The following ODAD3 variants were observed in gnomAD, a reference collection of about 807,000 sequenced individuals.
ODAD3 encodes outer dynein arm-docking complex subunit 3.
Under a neutral mutation model 70.9 loss-of-function variants are expected in ODAD3, and 57 were observed. The ratio of observed to expected loss-of-function variants is 0.80; its 90% CI spans 0.65 to 1.00. ODAD3 has a LOEUF of 1.00. Ranked by LOEUF, ODAD3 falls within the 50% of genes least tolerant of loss-of-function variation. The pLI is 0.00. For missense variants in ODAD3, 797 were observed against 763.9 expected (o/e 1.04, Z -0.51); for synonymous variants, 327 against 315.9 (o/e 1.04, Z -0.37).
chr19:11,421,653 C>A, intron 11 of ODAD3, 24 bp downstream of exon 11: 1 of 1,605,208 alleles, frequency 6.2e-7, no homozygotes, highest in Non-Finnish European at 8.5e-7. Flanking sequence ...ATCTCTGGAG[C>A]TCTGCCCCAT....
chr19:11,431,193 C>T (rs34093), intron 1 of ODAD3, 173 bp from the exon 2 acceptor site: 20,097 of 732,890 alleles, frequency 0.027, 896 homozygotes, highest in African/African-American at 0.14. Flanking sequence ...CTCACCACAG[C>T]CTCCGCCTCC....
At chr19:11,425,130 T>C (rs1046417712) in intron 7 of ODAD3, among the ~76,000 whole-genome samples, 3 of 128,428 alleles carry the variant, frequency 2.3e-5, no homozygotes, top group African/African-American at 3.7e-5. Flanking sequence ...TACATATGTG[T>C]ATATGTGTAT....
At chr19:11,432,859 T>C (rs1405434235) in intron 1 of ODAD3, among the ~76,000 whole-genome samples, 1 of 151,676 alleles carries the variant, frequency 6.6e-6, no homozygotes, top group Non-Finnish European at 1.5e-5. Context: ...AGTGGCGCAA[T>C]CCTGGCTCAC....
chr19:11,425,469 A>ATGTATATGTG (rs1969328303), intron 7 of ODAD3, among the ~76,000 whole-genome samples: 3 of 142,404 alleles, frequency 2.1e-5, no homozygotes, highest in African/African-American at 7.9e-5. Flanking sequence ...GTGTGTATAT[A>ATGTATATGTG]TGTATATATG....
chr19:11,422,361 T>C lies in ODAD3; in HGVS notation c.1434+110A>G, dbSNP rs1969157950. On this transcript the variant is annotated intron_variant, in intron 10 of 12. Transcript: ENST00000356392. The surrounding 1 kb of genome is among the most constrained non-coding windows in gnomAD (Gnocchi z 4.6). ...CCTCTGACGTCCGGGACAGAGGATG[T>C]GGCAGGCCACGTTCCCTCGGGCAAG... The C allele has an allele frequency of 1.5e-6, 2 of 1,333,018 alleles. No individual in the cohort carries two copies. Among genetic ancestry groups the C allele is most frequent in the Non-Finnish European group, 1.0e-6 (1 of 999,686 alleles). 82.6% of individuals were successfully genotyped at this position (1,333,018 alleles called of 1,614,324 possible).
upstream of ODAD3, chr19:11,435,416 T>C: frequency 2.6e-6 from 1 of 377,414 alleles, no homozygotes; most frequent in South Asian, 2.2e-5. Context: ...TCTTTCCGGC[T>C]TGAGAAGCCG....
In ODAD3 at chr19:11,421,172, G is replaced by T; in HGVS notation, c.1631C>A (p.Thr544Asn). 1 of 1,613,722 alleles carries T rather than the reference G, an allele frequency of 6.2e-7. No individual in the cohort carries two copies. The highest frequency in any genetic ancestry group is 8.5e-7 in the Non-Finnish European group (1 of 1,179,958). ...AGTGGCAAGGGGCAGGGCGATGCGG[G>T]TGTTGTATTCGGGCAGCCTTCCCTC... ...SLEGRLPEYN[T>N]RIALPLATSK... Residue 544 changes from threonine (T) to asparagine (N), a missense_variant, in exon 12 of 13, where the codon ACC becomes AAC. Thr to Asn is a moderately conservative substitution (Grantham distance 65, BLOSUM62 0). Transcript: ENST00000356392.
At chr19:11,424,994 T>G (rs536759021) in intron 7 of ODAD3, among the ~76,000 whole-genome samples, 1 of 132,820 alleles carries the variant, frequency 7.5e-6, no homozygotes, top group Non-Finnish European at 1.5e-5. Context: ...TATGTACATA[T>G]GTGTATATGT....
In ODAD3 at chr19:11,426,508, G is replaced by C. The variant is rs778738529; in HGVS notation, c.778C>G (p.His260Asp). The change falls in exon 6 of 13, where the codon CAT becomes GAT. Residue 260 changes from histidine (H) to aspartate (D), a missense_variant. His to Asp is a moderately conservative substitution (Grantham distance 81). Transcript: ENST00000356392. ...ACCACGTGCAGTGCCTCCAGCTCAT[G>C]TTTGGTCCTCACCACCTCAGCCTCC... The part of the protein sequence containing the change: ...SMEAEVVRTK[H>D]ELEALHVVNQ... The C allele has an allele frequency of 6.2e-7, 1 of 1,614,070 alleles. No homozygotes were observed. The highest frequency in any genetic ancestry group is 8.5e-7 in the Non-Finnish European group (1 of 1,179,982).
Position 11,420,779 on chromosome 19 carries a change from G to T in ODAD3, c.*56C>A. 1 of 1,498,988 alleles carries T rather than the reference G, an allele frequency of 6.7e-7. No homozygotes were observed. The highest frequency in any genetic ancestry group is 9.3e-7 in the Non-Finnish European group (1 of 1,076,918). The allele number at this position is 1,498,988 out of a possible 1,614,324, so 92.9% of individuals were successfully genotyped here. ...AAGGGGCCCCGTGGGGCCTGCGCTA[G>T]ACCCGGAGGGATCGGGGGCTCCGAA... On this transcript the variant is annotated 3_prime_UTR_variant, in exon 13 of 13. Transcript: ENST00000356392.
At position 11,424,068 on chromosome 19, in the gene ODAD3, G is replaced by T. The variant is rs550393980; in HGVS notation, c.964-39C>A. 5 of 1,588,132 alleles carry T rather than the reference G, an allele frequency of 3.1e-6. No individual in the cohort carries two copies. The South Asian group carries it at 4.4e-5, about 14-fold the overall frequency. On this transcript the variant is annotated intron_variant, in intron 7 of 12. Coordinates refer to ENST00000356392, the MANE Select transcript of ODAD3 (RefSeq NM_145045.5). ...GAGGTCAGAGCCAGGGTCAGCTGGT[G>T]GACAGCGCTTGGGAAGGAGGCCGGG...
intron 3 of ODAD3, among the ~76,000 whole-genome samples, chr19:11,429,679 A>G (rs1022281793): frequency 7.2e-5 from 11 of 152,228 alleles, no homozygotes; most frequent in African/African-American, 2.6e-4. Context: ...AAGTGCTGGG[A>G]TTACAGGCAT....
Position 11,422,718 on chromosome 19 carries a change from C to T in ODAD3, c.1260G>A (p.Gly420=). 1 of 1,612,766 alleles carries T rather than the reference C, an allele frequency of 6.2e-7. No individual in the cohort carries two copies. The highest frequency in any genetic ancestry group is 8.5e-7 in the Non-Finnish European group (1 of 1,179,888). ...QRELEDLKYS[G]EATLVSQQKL... ...TGCCTCACCTCACCAGCGTGGCCTC[C>T]CCCGAGTACTTGAGGTCTTCCAGCT... Residue 420 remains glycine, a synonymous_variant, in exon 9 of 13, where the codon GGG becomes GGA. Transcript: ENST00000356392. This position sits in a 1 kb window ranked among gnomAD's most constrained non-coding sequence, Gnocchi z 4.6.
In ODAD3 at chr19:11,424,316, C is replaced by A. The variant is rs1312852961; in HGVS notation, c.964-287G>T. Among the ~76,000 whole-genome samples the A allele has an allele frequency of 3.3e-5, 5 of 151,868 alleles. No homozygotes were observed. In the East Asian group the frequency reaches 9.6e-4, roughly 29 times the overall value. On this transcript the variant is annotated intron_variant, in intron 7 of 12. Coordinates refer to ENST00000356392, the MANE Select transcript of ODAD3 (RefSeq NM_145045.5). ...CCCAGGGGTTCGGGACCAGCTTGGA[C>A]AACACGGCGAGACCCCGTCTCTACA...
intron 8 of ODAD3, among the ~76,000 whole-genome samples, 163 bp downstream of exon 8, chr19:11,423,714 G>A (rs1969194916): frequency 6.6e-6 from 1 of 152,136 alleles, no homozygotes; most frequent in South Asian, 2.1e-4. Context: ...GGTAGCTGGA[G>A]GGGGAAGGGA....
chr19:11,425,622 T>TACAC (rs1969346280), intron 7 of ODAD3, among the ~76,000 whole-genome samples: 2 of 134,516 alleles, frequency 1.5e-5, no homozygotes, highest in African/African-American at 7.1e-5. Flanking sequence ...TATATGCATA[T>TACAC]ATGCATATAT....
At chr19:11,435,276 AGTGGGCGG>A, upstream of ODAD3, 1 of 1,204,278 alleles carries the variant, frequency 8.3e-7, no homozygotes. Flanking sequence ...CGGTCCCAAC[AGTGGGCGG>A]GGTAGAGCCG....
intron 11 of ODAD3, 108 bp from the exon 12 acceptor site, chr19:11,421,320 A>G: frequency 1.0e-6 from 1 of 969,490 alleles, no homozygotes; most frequent in South Asian, 1.6e-5. Flanking sequence ...CCTAGTTCCA[A>G]CTGGAGACCA....
At chr19:11,433,182 C>T (rs1467781939) in intron 1 of ODAD3, among the ~76,000 whole-genome samples, 1 of 152,102 alleles carries the variant, frequency 6.6e-6, no homozygotes, top group Non-Finnish European at 1.5e-5. Flanking sequence ...ACAACTGGGC[C>T]GAATAATTAT....
Sources: allele counts gnomAD v4.1 joint callset (sites outside exome capture counted in the v4.1 genomes callset), GRCh38; gene constraint gnomAD v4.1.1; non-coding constraint Gnocchi (gnomAD v3.1); transcripts MANE v1.5; gene names NCBI Gene and HGNC (gene_info 2026-07-23, HGNC 2026-07-21).